Variants in MYO3B observed in about 807,000 individuals in gnomAD.
MYO3B encodes the protein myosin-IIIb.
In MYO3B, 156 loss-of-function variants were observed where a neutral mutation model predicts 174.6. The observed-to-expected ratio is 0.89, with a 90% CI of 0.78 to 1.02. MYO3B has a LOEUF of 1.02. Among genes scored for constraint, MYO3B ranks in the 50% least tolerant of loss-of-function variants. The pLI is 0.00. For missense variants in MYO3B, 1,632 were observed against 1,639.4 expected, an observed-to-expected ratio of 1.00 and a Z score of 0.08; for synonymous variants, 563 against 569.1, an observed-to-expected ratio of 0.99 and a Z score of 0.15.
In MYO3B at chr2:170,649,323, A is replaced by AAT. The variant is rs1698788213; in HGVS notation, c.3734-2301_3734-2300dup. Among the ~76,000 whole-genome samples the AAT allele has an allele frequency of 1.2e-4, 11 of 92,268 alleles. 1 individual carries two copies. The highest frequency in any genetic ancestry group is 5.1e-4 in the African/African-American group (10 of 19,694). 60.5% of individuals were successfully genotyped at this position (92,268 alleles called of 152,430 possible). A position where few individuals can be genotyped will look rare whatever the true frequency, so the allele number is the denominator to read the frequency against. On this transcript the variant is annotated intron_variant, in intron 32 of 34. Transcript: ENST00000408978. ...AAATAATATATATTATATATAAAATAATATAATATATATTATATATAAAAT... is the reference window on the plus strand; with the variant it reads ...AAATAATATATATTATATATAAAATAATATATAATATATATTATATATAAAAT...
At chr2:170,632,692 G>C (rs927413059) in intron 32 of MYO3B, among the ~76,000 whole-genome samples, 2 of 152,154 alleles carry the variant, frequency 1.3e-5, no homozygotes, top group African/African-American at 4.8e-5. Flanking sequence ...AACGAATCCA[G>C]GAGCTGGTTT....
In MYO3B at chr2:170,462,497, T is replaced by G. The variant is rs192337824; in HGVS notation, c.2731-871T>G. ...TTTAGCACCAGTTTTTCACTTTCAT[T>G]GAACAAGGCTGCAGACATCCTCACC... is the stretch of plus-strand genomic sequence containing the variant. On this transcript the variant is annotated intron_variant, in intron 23 of 34. Transcript: ENST00000408978. Among the ~76,000 whole-genome samples the G allele has an allele frequency of 3.3e-5, 5 of 152,354 alleles. No homozygotes were observed. In the East Asian group the frequency reaches 9.6e-4, roughly 29 times the overall value.
intron 23 of MYO3B, among the ~76,000 whole-genome samples, chr2:170,447,971 C>T (rs193199216): frequency 1.4e-4 from 22 of 152,218 alleles, no homozygotes; most frequent in African/African-American, 5.3e-4. Context: ...GCTGATCCAT[C>T]GAGTCCAGGG....
chr2:170,306,963 A>G (rs545349150), intron 7 of MYO3B, among the ~76,000 whole-genome samples: 2 of 152,282 alleles, frequency 1.3e-5, no homozygotes, highest in African/African-American at 4.8e-5. Flanking sequence ...TGGGGAAAAC[A>G]TTTTTTTAAC....
intron 7 of MYO3B, among the ~76,000 whole-genome samples, chr2:170,284,222 G>T (rs540958498): frequency 6.6e-6 from 1 of 152,272 alleles, no homozygotes; most frequent in South Asian, 2.1e-4. Context: ...GTCCAAATGA[G>T]CACCCTATAT....
At chr2:170,489,970 A>G (rs1004277941) in intron 25 of MYO3B, among the ~76,000 whole-genome samples, 8 of 150,104 alleles carry the variant, frequency 5.3e-5, no homozygotes, top group Non-Finnish European at 1.2e-4. Context: ...ATTTATCCCT[A>G]TTTATTTTAC....
chr2:170,590,052 A>C (rs1575209827), intron 32 of MYO3B, among the ~76,000 whole-genome samples: 1 of 152,366 alleles, frequency 6.6e-6, no homozygotes, highest in South Asian at 2.1e-4. Flanking sequence ...GGTATGTAGT[A>C]GGCTGTACTG....
chr2:170,504,147 A>G (rs1299317145), intron 28 of MYO3B, among the ~76,000 whole-genome samples: 3 of 152,182 alleles, frequency 2.0e-5, no homozygotes, highest in Non-Finnish European at 4.4e-5. Flanking sequence ...TCCCCGCTTT[A>G]GGAGCCTGCA....
At chr2:170,369,838 G>C (rs1373768551) in intron 9 of MYO3B, among the ~76,000 whole-genome samples, 1 of 152,102 alleles carries the variant, frequency 6.6e-6, no homozygotes, top group East Asian at 1.9e-4. Flanking sequence ...AAACACCGAA[G>C]GCTGTTTCTC....
At chr2:170,566,139 G>A (rs1189859692) in intron 32 of MYO3B, among the ~76,000 whole-genome samples, 1 of 152,126 alleles carries the variant, frequency 6.6e-6, no homozygotes, top group Non-Finnish European at 1.5e-5. Context: ...TGCTGAATTA[G>A]AAACTTCTGC....
Position 170,371,089 on chromosome 2 carries a change from GC to G in MYO3B, c.971+1713del, listed in dbSNP as rs1558933108. Among the ~76,000 whole-genome samples the G allele has an allele frequency of 1.0e-3, 157 of 151,734 alleles. 1 individual carries two copies. Among genetic ancestry groups the G allele is most frequent in the African/African-American group, 3.7e-3 (154 of 41,372 alleles). On this transcript the variant is annotated intron_variant, in intron 9 of 34. Coordinates refer to ENST00000408978, the MANE Select transcript of MYO3B (RefSeq NM_138995.5). ...GAAAATTAGCTGGGCATAGTGGCAG[GC>G]ACCTGTAATCCCAGCTGCTCGGGAG...
At chr2:170,422,154 C>A (rs1434788021) in intron 22 of MYO3B, among the ~76,000 whole-genome samples, 1 of 152,118 alleles carries the variant, frequency 6.6e-6, no homozygotes, top group Non-Finnish European at 1.5e-5. Flanking sequence ...ACAGACCAAC[C>A]CCTAATATCT....
chr2:170,376,673 T>C (rs2094296086), intron 9 of MYO3B, among the ~76,000 whole-genome samples: 1 of 152,072 alleles, frequency 6.6e-6, no homozygotes, highest in African/African-American at 2.4e-5. Flanking sequence ...GTAACAGTGA[T>C]AGTCATTCTC....
At chr2:170,306,162 G>T (rs1044402345) in intron 7 of MYO3B, among the ~76,000 whole-genome samples, 1 of 152,058 alleles carries the variant, frequency 6.6e-6, no homozygotes, top group African/African-American at 2.4e-5. Flanking sequence ...CGGGATAGTT[G>T]GACTTACATA....
intron 7 of MYO3B, among the ~76,000 whole-genome samples, chr2:170,285,853 T>G (rs1219049584): frequency 6.6e-6 from 1 of 151,920 alleles, no homozygotes; most frequent in Non-Finnish European, 1.5e-5. Flanking sequence ...TCACTTAAGG[T>G]CTTTAATTCA....
At chr2:170,252,033 C>T (rs943409056) in intron 7 of MYO3B, among the ~76,000 whole-genome samples, 5 of 152,328 alleles carry the variant, frequency 3.3e-5, no homozygotes, top group African/African-American at 1.2e-4. Flanking sequence ...CCTCTCTCAT[C>T]ATTAGGCTTG....
chr2:170,297,928 C>T (rs1009679185), intron 7 of MYO3B, among the ~76,000 whole-genome samples: 31 of 151,894 alleles, frequency 2.0e-4, no homozygotes, highest in African/African-American at 7.5e-4. Context: ...ATCATGAGAC[C>T]AAAGACAAAC....
intron 1 of MYO3B, among the ~76,000 whole-genome samples, chr2:170,179,171 A>AC (rs2092367167): frequency 6.6e-6 from 1 of 152,186 alleles, no homozygotes; most frequent in African/African-American, 2.4e-5. Context: ...TGTGTAACAA[A>AC]CCTGCACGTC....
At chr2:170,572,041 G>C (rs902751169) in intron 32 of MYO3B, among the ~76,000 whole-genome samples, 1 of 152,180 alleles carries the variant, frequency 6.6e-6, no homozygotes, top group Non-Finnish European at 1.5e-5. Context: ...ACCAGGAGCA[G>C]TGGCTCACCT....
Sources: allele counts gnomAD v4.1 joint callset (sites outside exome capture counted in the v4.1 genomes callset), GRCh38; gene constraint gnomAD v4.1.1; transcripts MANE v1.5; gene names NCBI Gene and HGNC (gene_info 2026-07-23, HGNC 2026-07-21).